APBB2: variants seen among roughly 807,000 people sequenced by gnomAD.
APBB2 encodes amyloid beta precursor protein binding family B member 2.
In APBB2, 38 loss-of-function variants were observed where a neutral mutation model predicts 82.5. The observed-to-expected ratio is 0.46, with a 90% CI of 0.36 to 0.60. The LOEUF (loss-of-function observed/expected upper bound fraction) is 0.60, where lower values mean the gene tolerates loss of function less well. Ranked by LOEUF, APBB2 falls within the 20% of genes least tolerant of loss-of-function variation. The pLI, the probability that APBB2 is intolerant of heterozygous loss-of-function variation, is 0.00. For missense variants in APBB2, 772 were observed against 972.3 expected (o/e 0.79, Z 2.74); for synonymous variants, 341 against 368.2 (o/e 0.93, Z 0.85).
intron 4 of APBB2, among the ~76,000 whole-genome samples, chr4:41,060,408 T>G (rs1729398680): frequency 1.3e-5 from 2 of 152,132 alleles, no homozygotes; most frequent in Non-Finnish European, 2.9e-5. Context: ...CGATATATAT[T>G]ATTAAGCATT....
rs753818634 is a variant in APBB2, at chr4:40,867,997, AG to A, written c.1529+22366del. Reference sequence around the variant, plus strand: ...GCTCTAAATTTTCAGCCTCCTGAGTAGTTAGGTCTACAGGTATACCGTGCCT... The same window carrying A: ...GCTCTAAATTTTCAGCCTCCTGAGTATTAGGTCTACAGGTATACCGTGCCT... On this transcript the variant is annotated intron_variant, in intron 12 of 17. Coordinates refer to ENST00000508593, the MANE Select transcript of APBB2 (RefSeq NM_004307.2). Among the ~76,000 whole-genome samples the A allele has an allele frequency of 2.0e-5, 3 of 151,416 alleles. No homozygotes were observed. The East Asian group carries it at 5.8e-4, about 29-fold the overall frequency.
intron 4 of APBB2, among the ~76,000 whole-genome samples, chr4:41,034,791 A>T (rs1467590275): frequency 6.6e-6 from 1 of 152,274 alleles, no homozygotes; most frequent in Non-Finnish European, 1.5e-5. Flanking sequence ...TTCTTAAAGG[A>T]ATAGAAAGAT....
intron 10 of APBB2, among the ~76,000 whole-genome samples, chr4:40,919,596 A>G (rs1438399737): frequency 6.6e-6 from 1 of 152,212 alleles, no homozygotes; most frequent in Non-Finnish European, 1.5e-5. Flanking sequence ...AATGGTACAC[A>G]CTTGGGACTG....
intron 6 of APBB2, among the ~76,000 whole-genome samples, chr4:40,970,701 T>A (rs1487181823): frequency 6.6e-6 from 1 of 152,034 alleles, no homozygotes; most frequent in African/African-American, 2.4e-5. Context: ...GCACCACTGG[T>A]AGGTAGAGGC....
At chr4:40,957,627 C>T (rs1408183286) in intron 6 of APBB2, among the ~76,000 whole-genome samples, 3 of 150,690 alleles carry the variant, frequency 2.0e-5, no homozygotes, top group Admixed American at 6.6e-5. Flanking sequence ...CTTGTTGCCC[C>T]GGCTGGAGTG....
chr4:40,818,207 G>A (rs1746494531), intron 17 of APBB2, among the ~76,000 whole-genome samples: 1 of 152,172 alleles, frequency 6.6e-6, no homozygotes, highest in African/African-American at 2.4e-5. Flanking sequence ...GAACTAAGAA[G>A]AAAGCCCCTG....
At chr4:41,166,704 T>C (rs1041173750) in intron 1 of APBB2, among the ~76,000 whole-genome samples, 2 of 152,140 alleles carry the variant, frequency 1.3e-5, no homozygotes, top group Non-Finnish European at 2.9e-5. Flanking sequence ...GAGACCAGCC[T>C]GACCAACATG....
intron 2 of APBB2, among the ~76,000 whole-genome samples, chr4:41,132,176 T>C (rs778501387): frequency 5.3e-5 from 8 of 152,136 alleles, no homozygotes; most frequent in Non-Finnish European, 1.2e-4. Context: ...AAAATTTCCA[T>C]CTTCGTATCT....
At chr4:40,919,579 C>T (rs1009106661) in intron 10 of APBB2, among the ~76,000 whole-genome samples, 21 of 152,176 alleles carry the variant, frequency 1.4e-4, no homozygotes, top group African/African-American at 4.8e-4. Flanking sequence ...AATGAGGTGG[C>T]CTTAGAAATG....
chr4:41,070,465 A>G (rs918512218), intron 3 of APBB2, among the ~76,000 whole-genome samples: 1 of 151,466 alleles, frequency 6.6e-6, no homozygotes, highest in African/African-American at 2.4e-5. Flanking sequence ...ATGCACCACC[A>G]CACCCGACTA....
intron 3 of APBB2, among the ~76,000 whole-genome samples, chr4:41,081,808 T>C (rs970032434): frequency 6.6e-6 from 1 of 152,178 alleles, no homozygotes; most frequent in Non-Finnish European, 1.5e-5. Flanking sequence ...AAGACAGAAT[T>C]AAAATTGCAT....
intron 5 of APBB2, among the ~76,000 whole-genome samples, chr4:41,030,711 A>C (rs923541887): frequency 6.6e-6 from 1 of 152,162 alleles, no homozygotes; most frequent in African/African-American, 2.4e-5. Flanking sequence ...GGTGAAAAAA[A>C]AGTAGGTGAG....
At chr4:41,000,790 G>A (rs557648652) in intron 6 of APBB2, among the ~76,000 whole-genome samples, 2 of 152,178 alleles carry the variant, frequency 1.3e-5, no homozygotes, top group South Asian at 2.1e-4. Flanking sequence ...GAGATGAAAC[G>A]GCTTCTCTCT....
At chr4:41,213,605 A>T (rs74903900) in intron 1 of APBB2, among the ~76,000 whole-genome samples, 1,666 of 152,146 alleles carry the variant, frequency 0.011, 62 homozygotes, top group Admixed American at 0.065. Context: ...ACCACCTTTC[A>T]TTGTTTCTAT....
intron 10 of APBB2, among the ~76,000 whole-genome samples, chr4:40,923,769 T>C (rs1408886562): frequency 2.0e-5 from 3 of 152,230 alleles, no homozygotes; most frequent in African/African-American, 7.2e-5. Context: ...ACAATGCATC[T>C]TGTTTCAACA....
intron 3 of APBB2, among the ~76,000 whole-genome samples, chr4:41,086,230 A>G (rs1739596370): frequency 6.6e-6 from 1 of 152,210 alleles, no homozygotes; most frequent in Non-Finnish European, 1.5e-5. Flanking sequence ...TCACAGCCGA[A>G]TTCTATCAAA....
intron 5 of APBB2, among the ~76,000 whole-genome samples, chr4:41,015,056 CA>C (rs1204742045): frequency 6.6e-6 from 1 of 152,196 alleles, no homozygotes; most frequent in Non-Finnish European, 1.5e-5. Context: ...CACACGCACA[CA>C]AAACTATTAC....
chr4:40,924,972 C>T (rs1251388982), intron 10 of APBB2, among the ~76,000 whole-genome samples: 2 of 152,186 alleles, frequency 1.3e-5, no homozygotes, highest in Non-Finnish European at 2.9e-5. Flanking sequence ...TCCACACTTA[C>T]ATTTTTTGAA....
chr4:41,002,980 TTGTC>T (rs1299011393), intron 6 of APBB2, among the ~76,000 whole-genome samples: 2 of 152,334 alleles, frequency 1.3e-5, no homozygotes, highest in African/African-American at 4.8e-5. Context: ...ACTGATAGTC[TTGTC>T]TGTCTGTTTC....
Sources: allele counts gnomAD v4.1 joint callset (sites outside exome capture counted in the v4.1 genomes callset), GRCh38; gene constraint gnomAD v4.1.1; transcripts MANE v1.5; gene names NCBI Gene and HGNC (gene_info 2026-07-23, HGNC 2026-07-21).